STON1: variants seen among roughly 807,000 people sequenced by gnomAD.
STON1 encodes stonin-1.
A neutral mutation model predicts 60.9 loss-of-function variants in STON1; 79 were observed. That is an observed-to-expected ratio of 1.30 (90% confidence interval 1.08 to 1.56). STON1 has a LOEUF of 1.56. Ranked by LOEUF, STON1 falls within the 40% of genes most tolerant of loss-of-function variation. The pLI is 0.00. For missense variants in STON1, 1,166 were observed against 858.9 expected (o/e 1.36, Z -4.47); for synonymous variants, 363 against 306.9 (o/e 1.18, Z -1.91).
chr2:48,590,912 T>A (rs1352999850), intron 2 of STON1, among the ~76,000 whole-genome samples: 3 of 152,204 alleles, frequency 2.0e-5, no homozygotes, highest in Non-Finnish European at 4.4e-5. Flanking sequence ...ATTCTTGGCC[T>A]GGAACATTTT....
In STON1 at chr2:48,539,394, G is replaced by A. The variant is rs551751117; in HGVS notation, c.-48+9178G>A. Among the ~76,000 whole-genome samples, 187 of 152,048 alleles carry A rather than the reference G, an allele frequency of 1.2e-3. No homozygotes were observed. In the Middle Eastern group the frequency reaches 0.014, roughly 11 times the overall value. On this transcript the variant is annotated intron_variant, in intron 1 of 3. Coordinates refer to ENST00000404752, the MANE Select transcript of STON1 (RefSeq NM_006873.4). ...TTCTAGCTACTTGAATTCATGCCTAGCTTACTTTTTGTTTTTCAGTAAATT... is the reference window on the plus strand; with the variant it reads ...TTCTAGCTACTTGAATTCATGCCTAACTTACTTTTTGTTTTTCAGTAAATT...
intron 1 of STON1, among the ~76,000 whole-genome samples, chr2:48,546,515 C>G (rs1441029545): frequency 6.6e-6 from 1 of 152,202 alleles, no homozygotes; most frequent in Non-Finnish European, 1.5e-5. Flanking sequence ...TGGACACTTG[C>G]CACCATCATT....
chr2:48,536,569 A>G (rs1480801352), intron 1 of STON1, among the ~76,000 whole-genome samples: 1 of 148,830 alleles, frequency 6.7e-6, no homozygotes, highest in Non-Finnish European at 1.5e-5. Context: ...AAAAAAAAAA[A>G]AAGTTAGAAT....
chr2:48,574,775 A>G (rs578116661), intron 1 of STON1, among the ~76,000 whole-genome samples: 27 of 152,362 alleles, frequency 1.8e-4, no homozygotes, highest in Middle Eastern at 3.4e-3. Flanking sequence ...GTTTTTCACA[A>G]TACTAACAAG....
chr2:48,582,030 G>T lies in STON1; in HGVS notation c.1397G>T (p.Arg466Leu), dbSNP rs771873180. The T allele has an allele frequency of 1.2e-6, 2 of 1,614,170 alleles. No individual in the cohort carries two copies. Among genetic ancestry groups the T allele is most frequent in the Non-Finnish European group, 1.7e-6 (2 of 1,180,034 alleles). Residue 466 changes from arginine (R) to leucine (L), a missense_variant, in exon 2 of 4, where the codon CGA (arginine) becomes CTA (leucine). Arg to Leu is a moderately radical substitution (Grantham distance 102). Coordinates refer to ENST00000404752, the MANE Select transcript of STON1 (RefSeq NM_006873.4). Reference protein sequence around the residue: ...LTLNDLELPKRDESYYEKDSE... With the variant: ...LTLNDLELPKLDESYYEKDSE... ...TTGAATGACCTTGAGTTGCCGAAGCGAGATGAATCCTATTATGAGAAGGAC... is the reference window on the plus strand; with the variant it reads ...TTGAATGACCTTGAGTTGCCGAAGCTAGATGAATCCTATTATGAGAAGGAC...
rs947487532 is a variant in STON1, at chr2:48,596,818, A to T, written c.*1516A>T. ...GTAAAGGCAAAGAATGCAATAGGTG[A>T]TGGTTGGTTGAAAGGAATTGTTATT... On this transcript the variant is annotated 3_prime_UTR_variant, in exon 4 of 4. Transcript: ENST00000404752. 6.6e-6 allele frequency: 1 copy of T among 152,104 alleles called. No homozygotes were observed. 9.4% of individuals were successfully genotyped at this position (152,104 alleles called of 1,614,324 possible).
chr2:48,569,780 A>G (rs1673107803), intron 1 of STON1, among the ~76,000 whole-genome samples: 1 of 152,226 alleles, frequency 6.6e-6, no homozygotes, highest in South Asian at 2.1e-4. Flanking sequence ...TATCCTTTAC[A>G]CCAAATGCTC....
At chr2:48,563,485 A>T (rs1572950841) in intron 1 of STON1, among the ~76,000 whole-genome samples, 1 of 152,074 alleles carries the variant, frequency 6.6e-6, no homozygotes, top group African/African-American at 2.4e-5. Flanking sequence ...TGATGCTAAG[A>T]CCCTGCTAAG....
intron 1 of STON1, among the ~76,000 whole-genome samples, chr2:48,558,397 G>A (rs918794608): frequency 6.6e-6 from 1 of 152,228 alleles, no homozygotes; most frequent in Non-Finnish European, 1.5e-5. Context: ...CCACAGTGAT[G>A]TGGACATTTC....
At position 48,586,422 on chromosome 2, in the gene STON1, C is replaced by G. The variant is rs186395051; in HGVS notation, c.1930+3859C>G. Among the ~76,000 whole-genome samples the G allele has an allele frequency of 4.6e-5, 7 of 152,292 alleles. No individual in the cohort carries two copies. In the East Asian group the frequency reaches 1.3e-3, roughly 29 times the overall value. ...AGACTCTGAAGCAGCTACCCAAATGCACTGTGGAAAAGTGCATAGTTCCAG... is the reference window on the plus strand; with the variant it reads ...AGACTCTGAAGCAGCTACCCAAATGGACTGTGGAAAAGTGCATAGTTCCAG... On this transcript the variant is annotated intron_variant, in intron 2 of 3. Coordinates refer to ENST00000404752, the MANE Select transcript of STON1 (RefSeq NM_006873.4).
At chr2:48,541,296 T>C (rs1299889676) in intron 1 of STON1, among the ~76,000 whole-genome samples, 1 of 151,074 alleles carries the variant, frequency 6.6e-6, no homozygotes, top group Non-Finnish European at 1.5e-5. Context: ...GAGGTTGAAG[T>C]GAGCTGAGAT....
At chr2:48,588,252 C>A (rs973007221) in intron 2 of STON1, among the ~76,000 whole-genome samples, 3 of 152,164 alleles carry the variant, frequency 2.0e-5, no homozygotes, top group African/African-American at 7.2e-5. Context: ...CTCTATTTTT[C>A]TATATGACTT....
chr2:48,565,709 G>T (rs1455423698), intron 1 of STON1, among the ~76,000 whole-genome samples: 1 of 152,208 alleles, frequency 6.6e-6, no homozygotes, highest in Non-Finnish European at 1.5e-5. Context: ...ACTGGAGAAA[G>T]CAGGTGTTCT....
At chr2:48,578,287 C>G (rs1356751503) in intron 1 of STON1, among the ~76,000 whole-genome samples, 2 of 152,156 alleles carry the variant, frequency 1.3e-5, no homozygotes, top group Non-Finnish European at 2.9e-5. Context: ...CTCTTCCATC[C>G]ATGTTGAGTT....
chr2:48,573,021 C>T (rs533360748), intron 1 of STON1, among the ~76,000 whole-genome samples: 1 of 152,356 alleles, frequency 6.6e-6, no homozygotes, highest in African/African-American at 2.4e-5. Context: ...AGTGCTCTGT[C>T]CCTAGCGGAG....
intron 1 of STON1, among the ~76,000 whole-genome samples, chr2:48,547,438 C>T (rs1016290710): frequency 1.3e-5 from 2 of 152,192 alleles, no homozygotes; most frequent in Non-Finnish European, 2.9e-5. Context: ...AGGCAGGAGG[C>T]CACAACCTAG....
At chr2:48,586,299 GTTC>G (rs1674202119) in intron 2 of STON1, among the ~76,000 whole-genome samples, 2 of 152,270 alleles carry the variant, frequency 1.3e-5, no homozygotes, top group Admixed American at 1.3e-4. Flanking sequence ...ATCTACTAAA[GTTC>G]TTCTAGGTAT....
At position 48,572,128 on chromosome 2, in the gene STON1, A is replaced by G. The variant is rs541408739; in HGVS notation, c.-47-8459A>G. Among the ~76,000 whole-genome samples, 4 of 152,184 alleles carry G rather than the reference A, an allele frequency of 2.6e-5. No individual in the cohort carries two copies. In the South Asian group the frequency reaches 8.3e-4, roughly 32 times the overall value. ...CAGTGAGCCAAGATCATGCCACTAC[A>G]CTCCAGCCTGGGTGACAGAGGAAGA... On this transcript the variant is annotated intron_variant, in intron 1 of 3. Coordinates refer to ENST00000404752, the MANE Select transcript of STON1 (RefSeq NM_006873.4).
At chr2:48,551,158 T>C (rs1672087537) in intron 1 of STON1, among the ~76,000 whole-genome samples, 1 of 152,218 alleles carries the variant, frequency 6.6e-6, no homozygotes, top group Non-Finnish European at 1.5e-5. Context: ...TTAACATCTA[T>C]GCTCTGGTGT....
Sources: allele counts gnomAD v4.1 joint callset (sites outside exome capture counted in the v4.1 genomes callset), GRCh38; gene constraint gnomAD v4.1.1; transcripts MANE v1.5; gene names NCBI Gene and HGNC (gene_info 2026-07-23, HGNC 2026-07-21).